The following MYLK variants were observed in gnomAD, a reference collection of about 807,000 sequenced individuals.
MYLK encodes myosin light chain kinase.
Under a neutral mutation model 203.4 loss-of-function variants are expected in MYLK, and 106 were observed. That is an observed-to-expected ratio of 0.52 (90% confidence interval 0.45 to 0.61). MYLK has a LOEUF of 0.61. Among genes scored for constraint, MYLK ranks in the 20% least tolerant of loss-of-function variants. The pLI is 0.00. For synonymous variants in MYLK, 867 were observed against 959.5 expected (o/e 0.90, Z 1.78); for missense variants, 2,072 against 2,442.3 (o/e 0.85, Z 3.20).
chr3:123,841,612 A>C (rs1204643639), intron 2 of MYLK, among the ~76,000 whole-genome samples: 1 of 151,554 alleles, frequency 6.6e-6, no homozygotes, highest in Non-Finnish European at 1.5e-5. Flanking sequence ...AATGAGACCT[A>C]CTCCCTTTTC....
intron 4 of MYLK, among the ~76,000 whole-genome samples, chr3:123,764,856 C>T (rs1458161620): frequency 6.6e-6 from 1 of 152,228 alleles, no homozygotes; most frequent in Non-Finnish European, 1.5e-5. Context: ...TCATTGCCTA[C>T]TCTCCTAACC....
intron 2 of MYLK, among the ~76,000 whole-genome samples, chr3:123,865,594 C>G (rs1189811708): frequency 6.6e-6 from 1 of 152,220 alleles, no homozygotes; most frequent in Non-Finnish European, 1.5e-5. Context: ...ATGGCAGACT[C>G]TGTCCTGAAG....
intron 20 of MYLK, among the ~76,000 whole-genome samples, chr3:123,672,209 AG>A (rs2059936051): frequency 2.0e-4 from 2 of 10,244 alleles, no homozygotes; most frequent in African/African-American, 1.3e-4. Context: ...CAGGGGGAGG[AG>A]AGAGAGAGAG....
intron 13 of MYLK, among the ~76,000 whole-genome samples, chr3:123,712,450 C>T (rs750771771): frequency 6.6e-6 from 1 of 152,238 alleles, no homozygotes; most frequent in African/African-American, 2.4e-5. Flanking sequence ...GCTACGGGAA[C>T]GTCACCAACT....
intron 16 of MYLK, among the ~76,000 whole-genome samples, chr3:123,703,175 C>T (rs2061318409): frequency 6.6e-6 from 1 of 152,166 alleles, no homozygotes; most frequent in Admixed American, 6.5e-5. Flanking sequence ...TCTGCCTGGC[C>T]TCCCTCCCAG....
rs1318184098 is a variant in MYLK, at chr3:123,722,253, G to A, written c.1679C>T (p.Thr560Ile). The change falls in exon 13 of 34, where the codon ACC becomes ATC. Residue 560 changes from threonine (T) to isoleucine (I), a missense_variant. Physicochemically the swap from Thr to Ile is moderately conservative, Grantham distance 89. Transcript: ENST00000360304. ...NGQPIQYARS[T>I]CEAGVAELHI... The stretch of plus-strand genomic sequence containing the variant: ...GAGCTCAGCCACGCCGGCCTCGCAG[G>A]TGGAGCGAGCGTACTGGATGGGCTG... The A allele has an allele frequency of 6.4e-7, 1 of 1,569,492 alleles. No homozygotes were observed. The highest frequency in any genetic ancestry group is 2.4e-5 in the East Asian group (1 of 42,412).
chr3:123,674,708 T>A (rs764122751), intron 20 of MYLK, among the ~76,000 whole-genome samples: 4 of 152,246 alleles, frequency 2.6e-5, no homozygotes, highest in African/African-American at 4.8e-5. Context: ...CTACATGGAA[T>A]GTCTTTCAGT....
chr3:123,882,020 G>A (rs1161541681), intron 1 of MYLK, among the ~76,000 whole-genome samples: 1 of 152,210 alleles, frequency 6.6e-6, no homozygotes, highest in Non-Finnish European at 1.5e-5. Context: ...GGCCTTACCA[G>A]TTAGCCTAGG....
Position 123,618,704 on chromosome 3 carries a change from G to A in MYLK, c.5435C>T (p.Ser1812Phe), listed in dbSNP as rs1007504430. Reference sequence around the variant, plus strand: ...AACTTCTAAATCGCGAATGGTCTTAGAGAAATAGGGTTTTACATGAGGCTT... The same window carrying A: ...AACTTCTAAATCGCGAATGGTCTTAAAGAAATAGGGTTTTACATGAGGCTT... ...EEKPHVKPYFSKTIRDLEVVE... is the reference protein window; with the variant it reads ...EEKPHVKPYFFKTIRDLEVVE... The change falls in exon 33 of 34, where the codon TCT (serine) becomes TTT (phenylalanine). Residue 1812 changes from serine to phenylalanine, a missense_variant. Transcript: ENST00000360304. The A allele has an allele frequency of 6.2e-6, 10 of 1,614,034 alleles. No homozygotes were observed. In the African/African-American group the frequency reaches 6.7e-5, roughly 11 times the overall value.
intron 21 of MYLK, 35 bp downstream of exon 21, chr3:123,667,102 C>A (rs746165167): frequency 1.1e-5 from 17 of 1,609,616 alleles, no homozygotes; most frequent in Non-Finnish European, 1.4e-5. Context: ...TGGTAGATGA[C>A]TTCTTTGACC....
chr3:123,669,175 C>A (rs1034300287), intron 20 of MYLK, among the ~76,000 whole-genome samples: 13 of 152,204 alleles, frequency 8.5e-5, no homozygotes, highest in Non-Finnish European at 1.8e-4. Flanking sequence ...CTGAGATCAC[C>A]GAGCTGATGG....
At chr3:123,646,530 T>C (rs2059026552) in intron 27 of MYLK, among the ~76,000 whole-genome samples, 1 of 152,172 alleles carries the variant, frequency 6.6e-6, no homozygotes, top group South Asian at 2.1e-4. Context: ...TGTGTGTGCA[T>C]GTGTGTGTGT....
chr3:123,876,265 G>C (rs1431948662), intron 2 of MYLK, among the ~76,000 whole-genome samples: 1 of 151,852 alleles, frequency 6.6e-6, no homozygotes, highest in Non-Finnish European at 1.5e-5. Flanking sequence ...CAAAAATCAT[G>C]AACACAGATT....
chr3:123,826,167 G>A (rs1019240681), intron 3 of MYLK, among the ~76,000 whole-genome samples: 83 of 152,068 alleles, frequency 5.5e-4, no homozygotes, highest in African/African-American at 1.4e-3. Context: ...AAGAAACAAC[G>A]CTGTGGACCA....
chr3:123,867,072 G>A (rs2032379061), intron 2 of MYLK, among the ~76,000 whole-genome samples: 1 of 152,038 alleles, frequency 6.6e-6, no homozygotes, highest in Non-Finnish European at 1.5e-5. Flanking sequence ...CTAGTTTTGT[G>A]ACAAATCCTT....
chr3:123,773,026 C>A (rs929375082), intron 4 of MYLK, among the ~76,000 whole-genome samples: 2 of 151,998 alleles, frequency 1.3e-5, no homozygotes, highest in Admixed American at 1.3e-4. Flanking sequence ...TTTCTAATAT[C>A]TCTTAGGAAT....
intron 4 of MYLK, among the ~76,000 whole-genome samples, chr3:123,774,138 G>T (rs2063979259): frequency 6.6e-6 from 1 of 152,156 alleles, no homozygotes; most frequent in African/African-American, 2.4e-5. Flanking sequence ...TGAGGTTGCT[G>T]GCAGACCTCT....
intron 3 of MYLK, among the ~76,000 whole-genome samples, chr3:123,795,308 T>C (rs1276016325): frequency 6.6e-6 from 1 of 152,248 alleles, no homozygotes; most frequent in African/African-American, 2.4e-5. Flanking sequence ...ATCTCCCTAC[T>C]GCTGGCCATT....
At chr3:123,673,788 G>A (rs1190935652) in intron 20 of MYLK, among the ~76,000 whole-genome samples, 1 of 152,146 alleles carries the variant, frequency 6.6e-6, no homozygotes, top group Non-Finnish European at 1.5e-5. Context: ...AGTCAGAGAG[G>A]AACATCCTAG....
Sources: gnomAD v4.1 joint callset for allele counts (sites outside exome capture counted in the v4.1 genomes callset) on GRCh38, gnomAD v4.1.1 for gene constraint, MANE v1.5 for transcripts, NCBI Gene and HGNC (gene_info 2026-07-23, HGNC 2026-07-21) for gene names.